Variants in SYN3 observed in about 807,000 individuals in gnomAD.
The protein encoded by SYN3 is synapsin-3.
A neutral mutation model predicts 65.8 loss-of-function variants in SYN3; 35 were observed. The ratio of observed to expected loss-of-function variants is 0.53; its 90% confidence interval spans 0.41 to 0.70. The LOEUF (loss-of-function observed/expected upper bound fraction) is 0.70, where lower values mean the gene tolerates loss of function less well. Ranked by LOEUF, SYN3 falls within the 30% of genes least tolerant of loss-of-function variation. The probability of loss-of-function intolerance (pLI) is 0.00; values close to 1 mark genes in which losing one functional copy is unlikely to be tolerated. For missense variants in SYN3, 680 were observed against 749.0 expected (o/e 0.91, Z 1.08); for synonymous variants, 270 against 292.9 (o/e 0.92, Z 0.80).
At chr22:32,829,254 C>T (rs1310561685) in intron 6 of SYN3, among the ~76,000 whole-genome samples, 1 of 152,240 alleles carries the variant, frequency 6.6e-6, no homozygotes, top group African/African-American at 2.4e-5. Context: ...CTAAACCCTC[C>T]TTTCGTGATC....
chr22:32,972,825 A>G (rs149264969), intron 3 of SYN3, among the ~76,000 whole-genome samples: 2 of 151,782 alleles, frequency 1.3e-5, no homozygotes, highest in East Asian at 3.9e-4. Flanking sequence ...ATGCCTTATC[A>G]CTACAAAAAC....
intron 3 of SYN3, among the ~76,000 whole-genome samples, chr22:32,972,638 A>C (rs1368662403): frequency 6.6e-6 from 1 of 152,224 alleles, no homozygotes; most frequent in Non-Finnish European, 1.5e-5. Flanking sequence ...GTAGTTACAG[A>C]AGCTTCACCA....
At chr22:32,782,515 CTT>C (rs1265679936) in intron 6 of SYN3, among the ~76,000 whole-genome samples, 10,888 of 123,782 alleles carry the variant, frequency 0.088, 374 homozygotes, top group African/African-American at 0.13. Flanking sequence ...CCTTGTAATT[CTT>C]TTTTTTTTTT....
At chr22:32,763,742 T>C (rs921204070) in intron 6 of SYN3, among the ~76,000 whole-genome samples, 1 of 152,112 alleles carries the variant, frequency 6.6e-6, no homozygotes, top group Non-Finnish European at 1.5e-5. Flanking sequence ...TGTTTGTTTT[T>C]GTTTTGTTTT....
At chr22:32,705,495 T>C (rs1439279120) in intron 6 of SYN3, among the ~76,000 whole-genome samples, 5 of 152,244 alleles carry the variant, frequency 3.3e-5, no homozygotes. Flanking sequence ...GTGTGATGCC[T>C]CCTGCTTTGT....
At chr22:32,602,319 G>T (rs898286125) in intron 6 of SYN3, among the ~76,000 whole-genome samples, 1 of 152,120 alleles carries the variant, frequency 6.6e-6, no homozygotes, top group Non-Finnish European at 1.5e-5. Flanking sequence ...TTGCAAACAC[G>T]TATGCACGGA....
Position 33,005,351 on chromosome 22 carries a change from C to G in SYN3, c.311+1001G>C, listed in dbSNP as rs967420615. Reference sequence around the variant, plus strand: ...TCTGCTCTGGATGCAATGCTTCCATCTCCATAGTTGGGCTCACTTCCTGAA... The same window carrying G: ...TCTGCTCTGGATGCAATGCTTCCATGTCCATAGTTGGGCTCACTTCCTGAA... On this transcript the variant is annotated intron_variant, in intron 2 of 13. Coordinates refer to ENST00000358763, the MANE Select transcript of SYN3 (RefSeq NM_003490.4). Among the ~76,000 whole-genome samples, 6 of 152,200 alleles carry G rather than the reference C, an allele frequency of 3.9e-5. No individual in the cohort carries two copies. The East Asian group carries it at 1.2e-3, about 29-fold the overall frequency.
At chr22:32,595,398 G>T (rs2059185025) in intron 7 of SYN3, among the ~76,000 whole-genome samples, 1 of 152,176 alleles carries the variant, frequency 6.6e-6, no homozygotes, top group South Asian at 2.1e-4. Flanking sequence ...GCTGATCTTG[G>T]TAGATTCCTA....
At chr22:32,600,603 T>C (rs2059267684) in intron 6 of SYN3, among the ~76,000 whole-genome samples, 1 of 152,200 alleles carries the variant, frequency 6.6e-6, no homozygotes. Context: ...ACCACCACGG[T>C]CTTCCCGTGG....
At chr22:32,750,073 CCTGTTCTAGGTGCTAGAGACA>C (rs1388966889) in intron 6 of SYN3, among the ~76,000 whole-genome samples, 99 of 152,270 alleles carry the variant, frequency 6.5e-4, no homozygotes, top group Non-Finnish European at 3.8e-4. Flanking sequence ...AGTGCCAGGT[CCTGTTCTAGGTGCTAGAGACA>C]CGGTGGTGAA....
At chr22:32,891,835 T>C (rs1487065570) in intron 4 of SYN3, among the ~76,000 whole-genome samples, 1 of 152,086 alleles carries the variant, frequency 6.6e-6, no homozygotes, top group African/African-American at 2.4e-5. Context: ...CTCAGCTTCC[T>C]TCCTTAATAC....
At chr22:32,627,017 C>A (rs968279080) in intron 6 of SYN3, among the ~76,000 whole-genome samples, 12 of 152,196 alleles carry the variant, frequency 7.9e-5, no homozygotes, top group Non-Finnish European at 1.3e-4. Context: ...TGCTCTTATG[C>A]CCCCACACAG....
intron 7 of SYN3, among the ~76,000 whole-genome samples, chr22:32,544,392 C>T (rs746849075): frequency 4.6e-5 from 7 of 152,204 alleles, no homozygotes; most frequent in East Asian, 3.8e-4. Context: ...ACCTCAGTTA[C>T]GCACCACTGT....
intron 7 of SYN3, among the ~76,000 whole-genome samples, chr22:32,569,590 A>ATATATAT (rs1569048509): frequency 3.2e-5 from 3 of 92,578 alleles, no homozygotes; most frequent in African/African-American, 9.9e-5. Flanking sequence ...TATATATATA[A>ATATATAT]AATCTATCTA....
rs530285332 is a variant in SYN3 at position 32,728,502 on chromosome 22, C to T, written c.712-131766G>A. ...TGGTTACTTCACATGATTTGCATCT[C>T]GGCTCAAACATCAGTTTCTCAGAGA... On this transcript the variant is annotated intron_variant, in intron 6 of 13. Transcript: ENST00000358763. Among the ~76,000 whole-genome samples the T allele has an allele frequency of 3.3e-5, 5 of 152,314 alleles. No homozygotes were observed. The East Asian group carries it at 5.8e-4, about 18-fold the overall frequency.
intron 10 of SYN3, among the ~76,000 whole-genome samples, chr22:32,532,220 C>T (rs2058085863): frequency 1.3e-5 from 2 of 152,284 alleles, no homozygotes; most frequent in African/African-American, 4.8e-5. Flanking sequence ...CAAATGAGTG[C>T]GTGTGTGCCA....
intron 7 of SYN3, among the ~76,000 whole-genome samples, chr22:32,569,559 C>CTGTATATATATATATATA (rs1289552626): frequency 2.0e-5 from 1 of 51,202 alleles, no homozygotes; most frequent in African/African-American, 5.6e-5. Flanking sequence ...CTCTCTCTCT[C>CTGTATATATATATATATA]TCTCTCTCTC....
At chr22:32,676,991 C>G (rs1048064842) in intron 6 of SYN3, among the ~76,000 whole-genome samples, 4 of 152,194 alleles carry the variant, frequency 2.6e-5, no homozygotes, top group African/African-American at 9.6e-5. Context: ...AGGCTGGTGA[C>G]AGAACCACGA....
At chr22:32,976,657 C>T (rs1469031750) in intron 3 of SYN3, among the ~76,000 whole-genome samples, 1 of 152,160 alleles carries the variant, frequency 6.6e-6, no homozygotes. Flanking sequence ...GTGAGGGCCC[C>T]GCAGAGCCAG....
Sources: gnomAD v4.1 joint callset for allele counts (sites outside exome capture counted in the v4.1 genomes callset) on GRCh38, gnomAD v4.1.1 for gene constraint, MANE v1.5 for transcripts, NCBI Gene and HGNC (gene_info 2026-07-23, HGNC 2026-07-21) for gene names.